SLC24A3: variants seen among roughly 807,000 people sequenced by gnomAD.
SLC24A3 encodes solute carrier family 24 member 3, also known as sodium/potassium/calcium exchanger 3.
Under a neutral mutation model 75.8 loss-of-function variants are expected in SLC24A3, and 28 were observed. That is an observed-to-expected ratio of 0.37 (90% CI 0.27 to 0.51). The LOEUF (loss-of-function observed/expected upper bound fraction) is 0.51. SLC24A3 is among the 20% of genes least tolerant of loss of function. SLC24A3 has a pLI of 0.94. For synonymous variants in SLC24A3, 372 were observed against 334.1 expected, an observed-to-expected ratio of 1.11 and a Z score of -1.24; for missense variants, 663 against 847.8, an observed-to-expected ratio of 0.78 and a Z score of 2.71.
At chr20:19,545,594 C>G (rs1402468348) in intron 3 of SLC24A3, among the ~76,000 whole-genome samples, 1 of 152,132 alleles carries the variant, frequency 6.6e-6, no homozygotes, top group Non-Finnish European at 1.5e-5. Flanking sequence ...GGACATGGGT[C>G]TGGGCCTTGC....
intron 1 of SLC24A3, among the ~76,000 whole-genome samples, chr20:19,266,545 T>C (rs1983171314): frequency 6.6e-6 from 1 of 152,230 alleles, no homozygotes; most frequent in African/African-American, 2.4e-5. Flanking sequence ...CAGACAATTT[T>C]ATACTCATAC....
At chr20:19,703,740 T>G (rs2032898156) in intron 15 of SLC24A3, among the ~76,000 whole-genome samples, 1 of 152,252 alleles carries the variant, frequency 6.6e-6, no homozygotes. Flanking sequence ...AGACTATGCT[T>G]CTTTGACTAA....
intron 4 of SLC24A3, among the ~76,000 whole-genome samples, chr20:19,582,185 A>G (rs532764187): frequency 6.8e-4 from 103 of 152,332 alleles, no homozygotes; most frequent in African/African-American, 2.4e-3. Context: ...TTCTCACAAG[A>G]TGAGAGGATC....
Position 19,698,180 on chromosome 20 carries a change from A to G in SLC24A3, c.1607-388A>G, listed in dbSNP as rs550681785. 4.6e-5 allele frequency among the ~76,000 whole-genome samples: 7 copies of G among 152,298 alleles called. No individual in the cohort carries two copies. The South Asian group carries it at 8.3e-4, about 18-fold the overall frequency. The stretch of plus-strand genomic sequence containing the variant: ...ACTCACTATCACAAAGCCGGTACCA[A>G]TGGGGGATGGTGTTAAACCATTCAT... On this transcript the variant is annotated intron_variant, in intron 14 of 16. Coordinates refer to ENST00000328041, the MANE Select transcript of SLC24A3 (RefSeq NM_020689.4).
intron 6 of SLC24A3, among the ~76,000 whole-genome samples, chr20:19,616,904 A>C (rs1600304618): frequency 6.6e-6 from 1 of 152,090 alleles, no homozygotes; most frequent in African/African-American, 2.4e-5. Context: ...TTTCCTGCAG[A>C]TGCCCCGAGT....
rs1039854562 is a variant in SLC24A3 at position 19,677,819 on chromosome 20, A to G, written c.768-4039A>G. 1.1e-4 allele frequency among the ~76,000 whole-genome samples: 17 copies of G among 151,830 alleles called. 1 individual carries two copies. The South Asian group carries it at 3.1e-3, about 28-fold the overall frequency. Reference sequence around the variant, plus strand: ...GGTCAGCAGATAAACAAGTGAACAAAGGTCTCTGGTTTTCCTAGGGAGAGG... The same window carrying G: ...GGTCAGCAGATAAACAAGTGAACAAGGGTCTCTGGTTTTCCTAGGGAGAGG... On this transcript the variant is annotated intron_variant, in intron 9 of 16. Transcript: ENST00000328041.
chr20:19,303,538 C>T (rs564959676), intron 2 of SLC24A3, among the ~76,000 whole-genome samples: 7 of 152,200 alleles, frequency 4.6e-5, no homozygotes, highest in South Asian at 2.1e-4. Context: ...ATAATGGGAT[C>T]GCTGGATCAA....
At chr20:19,621,774 G>A (rs967553873) in intron 6 of SLC24A3, among the ~76,000 whole-genome samples, 9 of 152,204 alleles carry the variant, frequency 5.9e-5, no homozygotes, top group African/African-American at 2.2e-4. Flanking sequence ...CCTGTTGGAC[G>A]TATCCAGTCT....
At chr20:19,239,915 G>A (rs1416478641) in intron 1 of SLC24A3, among the ~76,000 whole-genome samples, 2 of 152,122 alleles carry the variant, frequency 1.3e-5, no homozygotes, top group Non-Finnish European at 2.9e-5. Context: ...GGACTGTATG[G>A]GACCCCATGG....
chr20:19,284,997 A>G (rs1983772091), intron 2 of SLC24A3, among the ~76,000 whole-genome samples: 1 of 152,028 alleles, frequency 6.6e-6, no homozygotes, highest in Admixed American at 6.6e-5. Flanking sequence ...ATTCCATGCC[A>G]TACCTCAAGC....
chr20:19,292,657 G>T (rs748846947), intron 2 of SLC24A3, among the ~76,000 whole-genome samples: 2 of 152,138 alleles, frequency 1.3e-5, no homozygotes, highest in Non-Finnish European at 1.5e-5. Context: ...AGCAGTGGTC[G>T]CAGGGATGAG....
chr20:19,475,134 C>T (rs1600244673), intron 2 of SLC24A3, among the ~76,000 whole-genome samples: 1 of 152,050 alleles, frequency 6.6e-6, no homozygotes, highest in East Asian at 1.9e-4. Flanking sequence ...GTCAGGAGAT[C>T]GAAACCATCC....
chr20:19,679,992 G>A (rs761411399), intron 9 of SLC24A3, among the ~76,000 whole-genome samples: 14 of 151,008 alleles, frequency 9.3e-5, no homozygotes, highest in Admixed American at 6.6e-4. Context: ...TGTTCCCTTG[G>A]CCTCTGTGTC....
At chr20:19,667,004 A>G (rs1473239952) in intron 8 of SLC24A3, among the ~76,000 whole-genome samples, 1 of 152,210 alleles carries the variant, frequency 6.6e-6, no homozygotes. Flanking sequence ...CGTAGGTAGA[A>G]AATCTCCCTG....
At chr20:19,582,235 G>A (rs1182469319) in intron 4 of SLC24A3, among the ~76,000 whole-genome samples, 4 of 152,188 alleles carry the variant, frequency 2.6e-5, no homozygotes, top group Admixed American at 6.5e-5. Flanking sequence ...AGGGCCTCTC[G>A]GCCCTGGATT....
At chr20:19,625,137 C>T (rs2031852197) in intron 6 of SLC24A3, among the ~76,000 whole-genome samples, 1 of 152,026 alleles carries the variant, frequency 6.6e-6, no homozygotes, top group Non-Finnish European at 1.5e-5. Context: ...GAACTGAAGC[C>T]CCATTACTTC....
intron 2 of SLC24A3, among the ~76,000 whole-genome samples, chr20:19,500,928 A>G (rs1988374981): frequency 6.6e-6 from 1 of 152,246 alleles, no homozygotes; most frequent in African/African-American, 2.4e-5. Flanking sequence ...CCTCTGTGAC[A>G]TCATGACCAA....
At chr20:19,373,825 T>C (rs1299746920) in intron 2 of SLC24A3, among the ~76,000 whole-genome samples, 1 of 152,112 alleles carries the variant, frequency 6.6e-6, no homozygotes, top group Non-Finnish European at 1.5e-5. Context: ...GCATGACATG[T>C]TTTTAAGCCA....
At chr20:19,265,343 T>C (rs1983133684) in intron 1 of SLC24A3, among the ~76,000 whole-genome samples, 1 of 152,210 alleles carries the variant, frequency 6.6e-6, no homozygotes, top group African/African-American at 2.4e-5. Flanking sequence ...CTGTGATTCA[T>C]AGAAGCCACT....
Sources: gnomAD v4.1 joint callset for allele counts (sites outside exome capture counted in the v4.1 genomes callset) on GRCh38, gnomAD v4.1.1 for gene constraint, MANE v1.5 for transcripts, NCBI Gene and HGNC (gene_info 2026-07-23, HGNC 2026-07-21) for gene names.